Variants in TAF4B observed in about 807,000 individuals in gnomAD.
TAF4B encodes transcription initiation factor TFIID subunit 4B.
In TAF4B, 38 loss-of-function variants were observed where a neutral mutation model predicts 86.4. That is an observed-to-expected ratio of 0.44 (90% confidence interval 0.34 to 0.58). TAF4B has a LOEUF of 0.58. Ranked by LOEUF, TAF4B falls within the 20% of genes least tolerant of loss-of-function variation. The pLI is 0.02. For missense variants in TAF4B, 988 were observed against 1,027.6 expected (o/e 0.96, Z 0.53); for synonymous variants, 388 against 391.2 (o/e 0.99, Z 0.10).
intron 2 of TAF4B, among the ~76,000 whole-genome samples, chr18:26,266,581 G>C (rs575606955): frequency 2.6e-4 from 40 of 152,156 alleles, no homozygotes; most frequent in African/African-American, 9.4e-4. Flanking sequence ...TTTTTGTGGG[G>C]CTGTGCGCGG....
At chr18:26,381,320 A>AT (rs1352287559) in intron 14 of TAF4B, among the ~76,000 whole-genome samples, 4 of 150,610 alleles carry the variant, frequency 2.7e-5, no homozygotes, top group Admixed American at 2.0e-4. Flanking sequence ...TGGCCCTTTT[A>AT]TTTTTTTTAA....
At chr18:26,242,431 T>G (rs558604457) in intron 1 of TAF4B, among the ~76,000 whole-genome samples, 2 of 152,328 alleles carry the variant, frequency 1.3e-5, no homozygotes, top group South Asian at 4.1e-4. Flanking sequence ...GTTTTCCATT[T>G]GCTTGGTAGA....
chr18:26,341,675 A>G (rs1241089785), intron 13 of TAF4B, among the ~76,000 whole-genome samples: 1 of 152,150 alleles, frequency 6.6e-6, no homozygotes, highest in Non-Finnish European at 1.5e-5. Flanking sequence ...TCCTGGTATC[A>G]TAATAACCAG....
chr18:26,383,709 C>T (rs1193399097), intron 14 of TAF4B, among the ~76,000 whole-genome samples: 1 of 152,096 alleles, frequency 6.6e-6, no homozygotes, highest in African/African-American at 2.4e-5. Context: ...CGTGTCACAT[C>T]AGTGTTTTCT....
In TAF4B at chr18:26,242,351, T is replaced by C. The variant is rs1443930527; in HGVS notation, c.343+15075T>C. ...TTACCATTATGTAATGGCCTCCTTTTCTCTTTTGATCTTTGTTGGTTTAAA... is the reference window on the plus strand; with the variant it reads ...TTACCATTATGTAATGGCCTCCTTTCCTCTTTTGATCTTTGTTGGTTTAAA... On this transcript the variant is annotated intron_variant, in intron 1 of 14. Transcript: ENST00000269142. Among the ~76,000 whole-genome samples, 3 of 152,170 alleles carry C rather than the reference T, an allele frequency of 2.0e-5. No homozygotes were observed. The East Asian group carries it at 5.8e-4, about 29-fold the overall frequency.
At chr18:26,331,994 A>G (rs2057053892) in intron 12 of TAF4B, among the ~76,000 whole-genome samples, 1 of 152,180 alleles carries the variant, frequency 6.6e-6, no homozygotes, top group African/African-American at 2.4e-5. Context: ...TGCCTTGTCA[A>G]CTACTCGCTC....
intron 1 of TAF4B, among the ~76,000 whole-genome samples, chr18:26,236,363 C>T (rs558355225): frequency 1.4e-3 from 208 of 152,206 alleles, no homozygotes; most frequent in Non-Finnish European, 3.5e-4. Flanking sequence ...GAGAAGGCCG[C>T]GCTGGTGACC....
chr18:26,314,759 A>G (rs2056884883), intron 9 of TAF4B, among the ~76,000 whole-genome samples: 2 of 152,164 alleles, frequency 1.3e-5, no homozygotes. Flanking sequence ...GGGACAGCTG[A>G]TGGACTTTTA....
At chr18:26,280,082 T>C (rs2056429579) in intron 5 of TAF4B, among the ~76,000 whole-genome samples, 1 of 151,332 alleles carries the variant, frequency 6.6e-6, no homozygotes, top group Non-Finnish European at 1.5e-5. Flanking sequence ...ACTGATTCTA[T>C]ACATGGTGCT....
chr18:26,236,417 G>C (rs1344387345), intron 1 of TAF4B, among the ~76,000 whole-genome samples: 1 of 152,124 alleles, frequency 6.6e-6, no homozygotes, highest in African/African-American at 2.4e-5. Context: ...AAACTTACCT[G>C]GGGCTCAGTG....
At chr18:26,360,659 C>T (rs1489434824) in intron 14 of TAF4B, among the ~76,000 whole-genome samples, 1 of 152,186 alleles carries the variant, frequency 6.6e-6, no homozygotes, top group East Asian at 1.9e-4. Context: ...GCTTTAGTCC[C>T]TCAGTCCTCT....
intron 12 of TAF4B, among the ~76,000 whole-genome samples, chr18:26,332,736 G>A (rs1214767094): frequency 2.0e-5 from 3 of 152,052 alleles, no homozygotes; most frequent in Non-Finnish European, 4.4e-5. Context: ...CACCATGTTG[G>A]CCAGGGTGGT....
chr18:26,250,800 C>G (rs1226869616), intron 1 of TAF4B, among the ~76,000 whole-genome samples: 1 of 152,068 alleles, frequency 6.6e-6, no homozygotes, highest in African/African-American at 2.4e-5. Context: ...TAAACATCAC[C>G]TGAAATCTAA....
At chr18:26,271,661 C>A (rs1402090001) in intron 3 of TAF4B, among the ~76,000 whole-genome samples, 1 of 152,116 alleles carries the variant, frequency 6.6e-6, no homozygotes, top group African/African-American at 2.4e-5. Context: ...TGGTGAGTCA[C>A]ACCTGTAATC....
intron 6 of TAF4B, among the ~76,000 whole-genome samples, chr18:26,282,342 G>A (rs1055544646): frequency 6.6e-6 from 1 of 152,092 alleles, no homozygotes; most frequent in African/African-American, 2.4e-5. Context: ...AGGTACTGCA[G>A]GTTTGGTTTC....
intron 1 of TAF4B, among the ~76,000 whole-genome samples, chr18:26,238,303 G>A (rs891606646): frequency 2.0e-5 from 3 of 152,194 alleles, no homozygotes; most frequent in African/African-American, 7.2e-5. Flanking sequence ...CTGAGGAAGG[G>A]AAGGGATCTC....
chr18:26,296,424 C>T (rs1347116724), intron 9 of TAF4B, among the ~76,000 whole-genome samples: 2 of 150,890 alleles, frequency 1.3e-5, no homozygotes. Context: ...TGCCCTGTCT[C>T]TCTTTTCTGC....
At chr18:26,229,898 T>C (rs1437169647) in intron 1 of TAF4B, among the ~76,000 whole-genome samples, 3 of 152,052 alleles carry the variant, frequency 2.0e-5, no homozygotes, top group Admixed American at 2.0e-4. Context: ...AGATAATGAA[T>C]ACTTTAAGTA....
chr18:26,284,134 A>C (rs1209887881), intron 6 of TAF4B, among the ~76,000 whole-genome samples: 1 of 152,098 alleles, frequency 6.6e-6, no homozygotes, highest in South Asian at 2.1e-4. Context: ...TTTACCTTGC[A>C]CTTTTATGTT....
Sources: allele counts gnomAD v4.1 joint callset (sites outside exome capture counted in the v4.1 genomes callset), GRCh38; gene constraint gnomAD v4.1.1; transcripts MANE v1.5; gene names NCBI Gene and HGNC (gene_info 2026-07-23, HGNC 2026-07-21).